The following CEP112 variants were observed in gnomAD, a reference collection of about 807,000 sequenced individuals.
The protein encoded by CEP112 is centrosomal protein of 112 kDa.
CEP112 carries 127 observed loss-of-function variants against 153.0 expected under a neutral mutation model. The observed-to-expected ratio is 0.83, with a 90% CI of 0.72 to 0.96. The LOEUF (loss-of-function observed/expected upper bound fraction) is 0.96. CEP112 is among the 40% of genes least tolerant of loss of function. The pLI, the probability that CEP112 is intolerant of heterozygous loss-of-function variation, is 0.00. For missense variants in CEP112, 1,089 were observed against 1,101.2 expected, an observed-to-expected ratio of 0.99 and a Z score of 0.16; for synonymous variants, 358 against 374.4, an observed-to-expected ratio of 0.96 and a Z score of 0.51.
At chr17:65,971,991 TAGAC>T (rs1451531511) in intron 17 of CEP112, among the ~76,000 whole-genome samples, 5 of 152,082 alleles carry the variant, frequency 3.3e-5, no homozygotes, top group Non-Finnish European at 7.4e-5. Flanking sequence ...ATAGGACAAG[TAGAC>T]AGACAAGAAT....
chr17:65,678,601 G>A (rs917378686), intron 24 of CEP112, among the ~76,000 whole-genome samples: 1 of 152,148 alleles, frequency 6.6e-6, no homozygotes, highest in African/African-American at 2.4e-5. Context: ...GGCAAAGCCT[G>A]GCTTTGAACC....
At chr17:65,678,223 G>C (rs1231153312) in intron 24 of CEP112, among the ~76,000 whole-genome samples, 1 of 152,060 alleles carries the variant, frequency 6.6e-6, no homozygotes, top group Non-Finnish European at 1.5e-5. Flanking sequence ...TCAGTGCTTA[G>C]TAGCTGTCAG....
intron 24 of CEP112, among the ~76,000 whole-genome samples, chr17:65,666,123 T>C (rs150236279): frequency 3.9e-5 from 6 of 152,360 alleles, no homozygotes; most frequent in South Asian, 2.1e-4. Context: ...CAAAATCATA[T>C]GTTGCCAGGT....
chr17:65,859,526 A>C (rs1312817382), intron 20 of CEP112, among the ~76,000 whole-genome samples: 1 of 151,836 alleles, frequency 6.6e-6, no homozygotes, highest in Non-Finnish European at 1.5e-5. Flanking sequence ...AAATTAAACA[A>C]CAAAAATTCT....
At chr17:65,636,023 T>C (rs1395583177) in intron 26 of CEP112, 49 bp from the exon 27 acceptor site, 11 of 1,572,958 alleles carry the variant, frequency 7.0e-6, no homozygotes, top group Non-Finnish European at 9.5e-6. Context: ...TTAACAGGTA[T>C]GTCAATCAAA....
At chr17:65,640,857 T>C (rs1043593585) in intron 25 of CEP112, 107 bp downstream of exon 25, 19 of 724,308 alleles carry the variant, frequency 2.6e-5, no homozygotes, top group Admixed American at 1.8e-4. Flanking sequence ...GGTTATGCAA[T>C]GACATCACAT....
intron 21 of CEP112, among the ~76,000 whole-genome samples, chr17:65,836,855 C>T (rs1015420884): frequency 9.9e-5 from 15 of 151,430 alleles, no homozygotes; most frequent in South Asian, 2.1e-4. Flanking sequence ...GATGCCCAGC[C>T]GAGGCTGGAC....
chr17:65,899,477 G>C (rs1005893795), intron 20 of CEP112, among the ~76,000 whole-genome samples: 2 of 151,988 alleles, frequency 1.3e-5, no homozygotes, highest in African/African-American at 4.8e-5. Context: ...TCTTATCATT[G>C]CTCTTTAAAA....
intron 20 of CEP112, 30 bp downstream of exon 20, chr17:65,902,122 C>G: frequency 6.5e-7 from 1 of 1,542,564 alleles, no homozygotes. Context: ...AAAACAGATA[C>G]CCGTTTTATC....
intron 8 of CEP112, among the ~76,000 whole-genome samples, chr17:66,081,749 T>C (rs2067728864): frequency 6.6e-6 from 1 of 152,066 alleles, no homozygotes. Flanking sequence ...ACCCTGTCTC[T>C]ACTAAAAATA....
intron 8 of CEP112, among the ~76,000 whole-genome samples, chr17:66,077,504 A>G (rs2067547370): frequency 6.6e-6 from 1 of 152,206 alleles, no homozygotes; most frequent in Non-Finnish European, 1.5e-5. Context: ...CCAATCCAAC[A>G]AAGACAAAGA....
chr17:65,883,918 A>G (rs1410678406), intron 20 of CEP112, among the ~76,000 whole-genome samples: 7 of 152,182 alleles, frequency 4.6e-5, no homozygotes, highest in Non-Finnish European at 7.3e-5. Context: ...AAGAGAAAGG[A>G]AAAAAATCAA....
chr17:65,858,250 T>C (rs2058192034), intron 20 of CEP112, among the ~76,000 whole-genome samples: 1 of 152,196 alleles, frequency 6.6e-6, no homozygotes, highest in South Asian at 2.1e-4. Flanking sequence ...CTTTCTCGCT[T>C]CTCTGGAAAA....
intron 17 of CEP112, among the ~76,000 whole-genome samples, chr17:65,992,283 T>C (rs139081164): frequency 3.8e-4 from 58 of 152,252 alleles, no homozygotes; most frequent in African/African-American, 1.4e-3. Flanking sequence ...GATTTAAAAG[T>C]GTCATAGGAA....
At chr17:65,982,098 A>C (rs900245130) in intron 17 of CEP112, among the ~76,000 whole-genome samples, 2 of 152,084 alleles carry the variant, frequency 1.3e-5, no homozygotes. Flanking sequence ...TAATAGGTAT[A>C]TATATTTATG....
intron 11 of CEP112, among the ~76,000 whole-genome samples, chr17:66,060,599 C>G (rs1355055601): frequency 6.6e-6 from 1 of 152,046 alleles, no homozygotes; most frequent in Non-Finnish European, 1.5e-5. Context: ...GAAAAAAAAT[C>G]CACACATTTA....
chr17:65,649,848 C>T (rs1329366612), intron 24 of CEP112, among the ~76,000 whole-genome samples: 2 of 152,096 alleles, frequency 1.3e-5, no homozygotes, highest in Non-Finnish European at 2.9e-5. Flanking sequence ...AATCTCTTTC[C>T]ACTTTGCCAC....
At chr17:65,682,953 TATTTTACTAAC>T (rs1190065149) in intron 24 of CEP112, among the ~76,000 whole-genome samples, 1 of 152,234 alleles carries the variant, frequency 6.6e-6, no homozygotes, top group Non-Finnish European at 1.5e-5. Context: ...TGTGGGAAGA[TATTTTACTAAC>T]ATTTTACTGA....
chr17:65,701,179 G>T (rs979245005), intron 23 of CEP112, among the ~76,000 whole-genome samples: 4 of 152,188 alleles, frequency 2.6e-5, no homozygotes, highest in African/African-American at 9.7e-5. Flanking sequence ...GGGCCCGGGG[G>T]AATGCATGTG....
Sources: allele counts gnomAD v4.1 joint callset (sites outside exome capture counted in the v4.1 genomes callset), GRCh38; gene constraint gnomAD v4.1.1; transcripts MANE v1.5; gene names NCBI Gene and HGNC (gene_info 2026-07-23, HGNC 2026-07-21).